The following MYCT1 variants were observed in gnomAD, a reference collection of about 807,000 sequenced individuals.
The protein encoded by MYCT1 is myc target protein 1.
In MYCT1, 12 loss-of-function variants were observed where a neutral mutation model predicts 15.0. The observed-to-expected ratio is 0.80, with a 90% CI of 0.51 to 1.29. MYCT1 has a LOEUF of 1.29. Among genes scored for constraint, MYCT1 ranks in the 50% most tolerant of loss-of-function variants. MYCT1 has a pLI of 0.00. For synonymous variants in MYCT1, 104 were observed against 102.7 expected, an observed-to-expected ratio of 1.01 and a Z score of -0.07; for missense variants, 287 against 279.1, an observed-to-expected ratio of 1.03 and a Z score of -0.20.
intron 1 of MYCT1, among the ~76,000 whole-genome samples, chr6:152,698,603 C>T (rs2099720815): frequency 6.6e-6 from 1 of 152,036 alleles, no homozygotes; most frequent in Admixed American, 6.6e-5. Context: ...ATCCTAATAA[C>T]ATCTGTACTT....
At chr6:152,704,643 A>G (rs998872764) in intron 1 of MYCT1, among the ~76,000 whole-genome samples, 1 of 152,106 alleles carries the variant, frequency 6.6e-6, no homozygotes, top group African/African-American at 2.4e-5. Flanking sequence ...ACTATACAAT[A>G]TATTATTAAC....
At chr6:152,742,810 T>C in the MYCT1 span, among the ~76,000 whole-genome samples, 46 of 152,224 alleles carry the variant, frequency 3.0e-4, 1 homozygote, top group East Asian at 8.9e-3. Context: ...CATTGATACC[T>C]GTTTATACAC....
At chr6:152,743,602 C>A in the MYCT1 span, among the ~76,000 whole-genome samples, 1 of 152,208 alleles carries the variant, frequency 6.6e-6, no homozygotes, top group Non-Finnish European at 1.5e-5. Flanking sequence ...AGCAAGGCAA[C>A]CATGCCCCAC....
the MYCT1 span, among the ~76,000 whole-genome samples, chr6:152,742,375 C>T: frequency 8.5e-5 from 13 of 152,166 alleles, no homozygotes; most frequent in South Asian, 8.3e-4. Flanking sequence ...TGAGAGAATA[C>T]GGTACTTTTG....
At chr6:152,745,139 G>A in the MYCT1 span, among the ~76,000 whole-genome samples, 10 of 152,204 alleles carry the variant, frequency 6.6e-5, no homozygotes, top group South Asian at 2.1e-3. Context: ...TCGGTCCCAG[G>A]GCCTCTTTGA....
intron 1 of MYCT1, among the ~76,000 whole-genome samples, chr6:152,717,263 T>A (rs1293737772): frequency 6.6e-6 from 1 of 152,202 alleles, no homozygotes; most frequent in Non-Finnish European, 1.5e-5. Flanking sequence ...TTGCCTTTGC[T>A]GTTTGGACTT....
chr6:152,704,494 C>G (rs2099721917), intron 1 of MYCT1, among the ~76,000 whole-genome samples: 1 of 152,096 alleles, frequency 6.6e-6, no homozygotes, highest in South Asian at 2.1e-4. Context: ...ATTGTACATA[C>G]TTATGGGGTA....
chr6:152,719,878 C>T (rs928729782), intron 1 of MYCT1, among the ~76,000 whole-genome samples: 2 of 152,082 alleles, frequency 1.3e-5, no homozygotes, highest in Non-Finnish European at 2.9e-5. Context: ...TGGGTCTAAA[C>T]AAATTCCCTA....
chr6:152,715,559 T>C (rs1163495193), intron 1 of MYCT1, among the ~76,000 whole-genome samples: 1 of 79,702 alleles, frequency 1.3e-5, no homozygotes, highest in Non-Finnish European at 2.8e-5. Context: ...ATGCGTCTCA[T>C]TCACATTTTC....
intron 1 of MYCT1, among the ~76,000 whole-genome samples, chr6:152,713,399 G>C (rs2099723083): frequency 6.6e-6 from 1 of 151,910 alleles, no homozygotes; most frequent in Non-Finnish European, 1.5e-5. Flanking sequence ...TGTTTTTGTT[G>C]ACTGTCTTTT....
intron 1 of MYCT1, among the ~76,000 whole-genome samples, chr6:152,708,765 C>A (rs1047386176): frequency 6.6e-6 from 1 of 151,844 alleles, no homozygotes; most frequent in Admixed American, 6.6e-5. Flanking sequence ...TTTCATTATC[C>A]CCAGACTAAG....
intron 1 of MYCT1, chr6:152,706,164 G>C: frequency 8.1e-7 from 1 of 1,227,006 alleles, no homozygotes. Flanking sequence ...TTAATGAACT[G>C]TGACAGGAAG....
At chr6:152,738,369 A>G in the MYCT1 span, among the ~76,000 whole-genome samples, 1 of 152,124 alleles carries the variant, frequency 6.6e-6, no homozygotes, top group Non-Finnish European at 1.5e-5. Context: ...AAATAGTTAT[A>G]TTGTAATAAA....
the MYCT1 span, among the ~76,000 whole-genome samples, chr6:152,744,084 G>C: frequency 6.6e-6 from 1 of 152,116 alleles, no homozygotes; most frequent in East Asian, 1.9e-4. Flanking sequence ...ATGAGGATTT[G>C]GTGTCTGGCT....
downstream of MYCT1, among the ~76,000 whole-genome samples, chr6:152,725,122 TA>T (rs2099725415): frequency 6.6e-6 from 1 of 151,642 alleles, no homozygotes; most frequent in African/African-American, 2.4e-5. Flanking sequence ...TTTGATTATT[TA>T]AAAAAATTTA....
the MYCT1 span, among the ~76,000 whole-genome samples, chr6:152,743,080 GA>G: frequency 1.3e-5 from 2 of 152,186 alleles, no homozygotes; most frequent in East Asian, 3.9e-4. Context: ...TGTTTTGACA[GA>G]ATCTCTCTCT....
At chr6:152,741,169 C>T in the MYCT1 span, among the ~76,000 whole-genome samples, 15 of 152,190 alleles carry the variant, frequency 9.9e-5, no homozygotes, top group Admixed American at 7.8e-4. Context: ...GTTTTGACAT[C>T]GAATATGCCC....
rs772600127 is a variant in MYCT1 at position 152,721,767 on chromosome 6, A to T, written c.222A>T (p.Val74=). 1.2e-6 allele frequency: 2 copies of T among 1,614,070 alleles called. No individual in the cohort carries two copies. Among genetic ancestry groups the T allele is most frequent in the South Asian group, 2.2e-5 (2 of 91,064 alleles). ...AGGACCTTATCATGTCCTTCACTGTATCCATGGCAATCGGGCTGGTACTTG... is the reference window on the plus strand; with the variant it reads ...AGGACCTTATCATGTCCTTCACTGTTTCCATGGCAATCGGGCTGGTACTTG... ...FWEDLIMSFT[V]SMAIGLVLGG... is the part of the protein sequence containing the mutation. Residue 74 remains valine (V), a synonymous_variant, in exon 2 of 2, where the codon GTA becomes GTT. Coordinates refer to ENST00000367245, the MANE Select transcript of MYCT1 (RefSeq NM_025107.3).
intron 1 of MYCT1, chr6:152,705,967 C>A: frequency 1.3e-6 from 1 of 787,340 alleles, no homozygotes; most frequent in Non-Finnish European, 2.3e-6. Context: ...ATTATTGACC[C>A]AACAAAGATT....
Sources: gnomAD v4.1 joint callset for allele counts (sites outside exome capture counted in the v4.1 genomes callset) on GRCh38, gnomAD v4.1.1 for gene constraint, MANE v1.5 for transcripts, NCBI Gene and HGNC (gene_info 2026-07-23, HGNC 2026-07-21) for gene names.